NPLOC4: variants seen among roughly 807,000 people sequenced by gnomAD.
NPLOC4 encodes the protein nuclear protein localization protein 4 homolog.
Under a neutral mutation model 80.6 loss-of-function variants are expected in NPLOC4, and 18 were observed. That is an observed-to-expected ratio of 0.22 (90% CI 0.15 to 0.33). The LOEUF (loss-of-function observed/expected upper bound fraction) is 0.33, where lower values mean the gene tolerates loss of function less well. Ranked by LOEUF, NPLOC4 falls within the 10% of genes least tolerant of loss-of-function variation. The pLI is 1.00. For synonymous variants in NPLOC4, 313 were observed against 301.5 expected, an observed-to-expected ratio of 1.04 and a Z score of -0.39; for missense variants, 540 against 786.1, an observed-to-expected ratio of 0.69 and a Z score of 3.74.
At chr17:81,608,381 C>T (rs530259003) in intron 6 of NPLOC4, among the ~76,000 whole-genome samples, 2 of 152,172 alleles carry the variant, frequency 1.3e-5, no homozygotes, top group Non-Finnish European at 2.9e-5. Context: ...CGCAGCCAGG[C>T]GCCTGCACAG....
intron 11 of NPLOC4, among the ~76,000 whole-genome samples, chr17:81,593,987 G>C (rs964673900): frequency 4.6e-5 from 7 of 152,018 alleles, no homozygotes; most frequent in Non-Finnish European, 1.0e-4. Flanking sequence ...AAATAAATCT[G>C]ACTCGGCCGG....
In NPLOC4 at chr17:81,572,641, G is replaced by C. The variant is rs781526127; in HGVS notation, c.1282-553C>G. 2.0e-5 allele frequency among the ~76,000 whole-genome samples: 3 copies of C among 152,192 alleles called. No individual in the cohort carries two copies. Among genetic ancestry groups the C allele is most frequent in the Non-Finnish European group, 4.4e-5 (3 of 68,044 alleles). ...AAGCAGTCGTGCTCTCGGGCACTGG[G>C]ACTCCCCACTGGGAGAGCACATCAA... On this transcript the variant is annotated intron_variant, in intron 12 of 16. Coordinates refer to ENST00000331134, the MANE Select transcript of NPLOC4 (RefSeq NM_017921.4). The surrounding 1 kb of genome is among the most constrained non-coding windows in gnomAD (Gnocchi z 4.5).
intron 3 of NPLOC4, among the ~76,000 whole-genome samples, chr17:81,617,526 T>C (rs1005240947): frequency 6.6e-6 from 1 of 151,704 alleles, no homozygotes; most frequent in African/African-American, 2.4e-5. Context: ...AATACAAAAT[T>C]AGGCCGGGCA....
chr17:81,564,612 AC>A (rs1287797609), intron 16 of NPLOC4: 2 of 152,162 alleles, frequency 1.3e-5, no homozygotes, highest in African/African-American at 4.8e-5. Flanking sequence ...ACATGGTGAA[AC>A]CCTGGCTCTA....
At chr17:81,626,350 C>T (rs547936924) in intron 2 of NPLOC4, among the ~76,000 whole-genome samples, 84 of 150,876 alleles carry the variant, frequency 5.6e-4, no homozygotes, top group African/African-American at 1.9e-3. Context: ...GAAAATAGAA[C>T]AGAAAAATAC....
Position 81,559,116 on chromosome 17 carries a change from G to A in NPLOC4, c.*143C>T, listed in dbSNP as rs2033755606. ...AGGAACGTGCTGAGAAGCTTCAGTGGGTCAGGGAGCCCAGGACAGCCAGCC... is the reference window on the plus strand; with the variant it reads ...AGGAACGTGCTGAGAAGCTTCAGTGAGTCAGGGAGCCCAGGACAGCCAGCC... On this transcript the variant is annotated 3_prime_UTR_variant, in exon 17 of 17. Coordinates refer to ENST00000331134, the MANE Select transcript of NPLOC4 (RefSeq NM_017921.4). The A allele has an allele frequency of 1.1e-6, 1 of 920,190 alleles. No individual in the cohort carries two copies. Among genetic ancestry groups the A allele is most frequent in the African/African-American group, 1.7e-5 (1 of 59,560 alleles). The allele number at this position is 920,190 out of a possible 1,614,324, so 57.0% of individuals were successfully genotyped here.
intron 11 of NPLOC4, among the ~76,000 whole-genome samples, chr17:81,594,744 C>T (rs2034849643): frequency 6.6e-6 from 1 of 151,766 alleles, no homozygotes; most frequent in African/African-American, 2.4e-5. Context: ...CACTGCACTC[C>T]AACCTGGGCG....
intron 8 of NPLOC4, 42 bp from the exon 9 acceptor site, chr17:81,600,469 G>T: frequency 1.3e-6 from 2 of 1,503,808 alleles, no homozygotes; most frequent in East Asian, 2.3e-5. Flanking sequence ...AGAGCAGAGG[G>T]CTCAGGAAGC....
chr17:81,597,216 C>T (rs1209606920), intron 10 of NPLOC4, 29 bp downstream of exon 10: 2 of 1,585,724 alleles, frequency 1.3e-6, no homozygotes, highest in East Asian at 2.2e-5. Context: ...AGCCATAGGG[C>T]CACACGCACA....
rs547169421 is a variant in NPLOC4 at position 81,564,317 on chromosome 17, T to C, written c.1669+1188A>G. Reference sequence around the variant, plus strand: ...CAACAACAAAGCCCCAAGAATTAGCTGGGTGTGGTGTTGCAAGCCTGTGGT... The same window carrying C: ...CAACAACAAAGCCCCAAGAATTAGCCGGGTGTGGTGTTGCAAGCCTGTGGT... On this transcript the variant is annotated intron_variant, in intron 16 of 16. Transcript: ENST00000331134. 4.2e-3 allele frequency: 667 copies of C among 158,482 alleles called. 4 individuals are homozygous for C. The highest frequency in any genetic ancestry group is 7.4e-3 in the Admixed American group (119 of 16,162). The allele number at this position is 158,482 out of a possible 1,614,324, so 9.8% of individuals were successfully genotyped here. A position where few individuals can be genotyped will look rare whatever the true frequency, so the allele number is the denominator to read the frequency against.
chr17:81,560,098 C>T (rs2033802415), intron 16 of NPLOC4, among the ~76,000 whole-genome samples: 2 of 151,908 alleles, frequency 1.3e-5, no homozygotes, highest in Admixed American at 6.5e-5. Flanking sequence ...CTTTGTGGAC[C>T]TGTGTTTTTA....
At chr17:81,620,906 C>T (rs1376995869) in intron 3 of NPLOC4, among the ~76,000 whole-genome samples, 3 of 151,838 alleles carry the variant, frequency 2.0e-5, no homozygotes, top group Non-Finnish European at 2.9e-5. Flanking sequence ...GCCTGTAGTC[C>T]CAGCTACTCG....
chr17:81,565,442 G>A, intron 16 of NPLOC4, 63 bp downstream of exon 16: 9 of 1,342,398 alleles, frequency 6.7e-6, no homozygotes, highest in Non-Finnish European at 9.3e-6. Flanking sequence ...GGGGAGCTGT[G>A]CAGAGTGGGC....
chr17:81,604,463 C>A (rs899152575), intron 8 of NPLOC4, 85 bp downstream of exon 8: 9 of 1,256,894 alleles, frequency 7.2e-6, no homozygotes, highest in Middle Eastern at 2.8e-4. Context: ...AACAACAAAG[C>A]GAACAGGGCA....
chr17:81,618,025 C>T (rs1322174736), intron 3 of NPLOC4, among the ~76,000 whole-genome samples: 6 of 152,194 alleles, frequency 3.9e-5, no homozygotes, highest in Non-Finnish European at 7.3e-5. Context: ...ACCTCCCAGC[C>T]GCCTGCCTTG....
intron 3 of NPLOC4, among the ~76,000 whole-genome samples, chr17:81,619,123 G>T (rs1324406046): frequency 1.3e-4 from 20 of 151,518 alleles, no homozygotes; most frequent in South Asian, 2.1e-4. Context: ...CACTTGTTTG[G>T]CTGCTGACCT....
intron 3 of NPLOC4, among the ~76,000 whole-genome samples, chr17:81,621,092 CAAGA>C (rs1036979275): frequency 7.2e-6 from 1 of 138,866 alleles, no homozygotes; most frequent in Non-Finnish European, 1.6e-5. Context: ...CAAAACCCTT[CAAGA>C]AAGAAAGAAA....
chr17:81,622,447 C>T (rs1196250332), intron 2 of NPLOC4, among the ~76,000 whole-genome samples, 169 bp from the exon 3 acceptor site: 3 of 152,166 alleles, frequency 2.0e-5, no homozygotes, highest in Non-Finnish European at 4.4e-5. Context: ...GTACTGTTCA[C>T]AAAGGTGTCA....
Position 81,608,813 on chromosome 17 carries a change from C to T in NPLOC4, c.445G>A (p.Glu149Lys). ...GGCTCGAGATGGTTTAGATAGTCCTCATCGAATGGCTGCCAAGACACAGAG... is the reference window on the plus strand; with the variant it reads ...GGCTCGAGATGGTTTAGATAGTCCTTATCGAATGGCTGCCAAGACACAGAG... ...VHCVPLEPFD[E>K]DYLNHLEPPV... The change falls in exon 6 of 17, where the codon GAG becomes AAG. Residue 149 changes from glutamate (E) to lysine (K), a missense_variant. Coordinates refer to ENST00000331134, the MANE Select transcript of NPLOC4 (RefSeq NM_017921.4). The T allele has an allele frequency of 1.3e-6, 2 of 1,580,080 alleles. No homozygotes were observed. The highest frequency in any genetic ancestry group is 1.7e-6 in the Non-Finnish European group (2 of 1,162,480).
Sources: gnomAD v4.1 joint callset for allele counts (sites outside exome capture counted in the v4.1 genomes callset) on GRCh38, gnomAD v4.1.1 for gene constraint, Gnocchi (gnomAD v3.1) non-coding constraint, MANE v1.5 for transcripts, NCBI Gene and HGNC (gene_info 2026-07-23, HGNC 2026-07-21) for gene names.